PIK3CG: variants seen among roughly 807,000 people sequenced by gnomAD.
PIK3CG encodes phosphatidylinositol 4,5-bisphosphate 3-kinase catalytic subunit gamma isoform.
A neutral mutation model predicts 102.3 loss-of-function variants in PIK3CG; 55 were observed. That is an observed-to-expected ratio of 0.54 (90% CI 0.43 to 0.67). PIK3CG has a LOEUF of 0.67. PIK3CG is among the 30% of genes least tolerant of loss of function. The pLI, the probability that PIK3CG is intolerant of heterozygous loss-of-function variation, is 0.00. For missense variants in PIK3CG, 1,258 were observed against 1,391.8 expected, an observed-to-expected ratio of 0.90 and a Z score of 1.53; for synonymous variants, 552 against 540.0, an observed-to-expected ratio of 1.02 and a Z score of -0.31.
intron 10 of PIK3CG, among the ~76,000 whole-genome samples, chr7:106,888,216 G>A (rs1791162696): frequency 1.3e-5 from 2 of 152,098 alleles, no homozygotes; most frequent in East Asian, 3.9e-4. Flanking sequence ...TAGGATTACA[G>A]GCGTGAGCCA....
rs1326426981 is a variant in PIK3CG at position 106,908,586 on chromosome 7, T to C, written c.*3199T>C. Reference sequence around the variant, plus strand: ...AAAGTATGGAGAAGTGGAGACATTATAGATAAAATATATCAATTCCCAGAG... The same window carrying C: ...AAAGTATGGAGAAGTGGAGACATTACAGATAAAATATATCAATTCCCAGAG... On this transcript the variant is annotated 3_prime_UTR_variant, in exon 11 of 11. Transcript: ENST00000496166. This position sits in a 1 kb window ranked among gnomAD's most constrained non-coding sequence, Gnocchi z 4.1. Among the ~76,000 whole-genome samples, 1 of 152,186 alleles carries C rather than the reference T, an allele frequency of 6.6e-6. No homozygotes were observed. The highest frequency in any genetic ancestry group is 1.5e-5 in the Non-Finnish European group (1 of 68,032).
chr7:106,900,871 G>A (rs1280691735), intron 10 of PIK3CG, among the ~76,000 whole-genome samples: 1 of 152,208 alleles, frequency 6.6e-6, no homozygotes, highest in Non-Finnish European at 1.5e-5. Flanking sequence ...CTTTAAGAAT[G>A]TTGAATATAG....
Position 106,874,911 on chromosome 7 carries a change from G to A in PIK3CG, c.2391+108G>A. ...CTAATGTTTATGCAGAGACAGGGAA[G>A]CTGGAGAGTCTCTGGATGGGTTTCT... is the stretch of plus-strand genomic sequence containing the variant. On this transcript the variant is annotated intron_variant, in intron 5 of 10. Transcript: ENST00000496166. The surrounding 1 kb of genome is among the most constrained non-coding windows in gnomAD (Gnocchi z 4.3). The A allele has an allele frequency of 1.5e-6, 1 of 669,810 alleles. No individual in the cohort carries two copies. Among genetic ancestry groups the A allele is most frequent in the South Asian group, 1.9e-5 (1 of 52,872 alleles). 41.5% of individuals were successfully genotyped at this position (669,810 alleles called of 1,614,324 possible).
Position 106,874,082 on chromosome 7 carries a change from T to C in PIK3CG, c.2288-618T>C, listed in dbSNP as rs1211321221. On this transcript the variant is annotated intron_variant, in intron 4 of 10. Coordinates refer to ENST00000496166, the MANE Select transcript of PIK3CG (RefSeq NM_001282426.2). This position sits in a 1 kb window ranked among gnomAD's most constrained non-coding sequence, Gnocchi z 4.3. ...TTCTCCCTTTGATTCTTACAATGCT[T>C]CCTCCTAAAAATGATGATGGTAATA... Among the ~76,000 whole-genome samples the C allele has an allele frequency of 6.6e-6, 1 of 152,176 alleles. No homozygotes were observed. Among genetic ancestry groups the C allele is most frequent in the African/African-American group, 2.4e-5 (1 of 41,442 alleles).
At chr7:106,889,336 G>C (rs1021655180) in intron 10 of PIK3CG, among the ~76,000 whole-genome samples, 48 of 149,916 alleles carry the variant, frequency 3.2e-4, no homozygotes, top group African/African-American at 1.1e-3. Flanking sequence ...ATTTGACTAT[G>C]ACCTTGTGGT....
chr7:106,885,996 GA>G, intron 9 of PIK3CG, 138 bp from the exon 10 acceptor site: 2 of 753,646 alleles, frequency 2.7e-6, no homozygotes, highest in Non-Finnish European at 2.1e-6. Context: ...CTGCTAAGAC[GA>G]AAAATATCAC....
rs1017480198 is a variant in PIK3CG, at chr7:106,867,560, G to A, written c.-2G>A. ...TCCCTCCGCTCCCAGGTCGCATAGG[G>A]CATGGAGCTGGAGAACTATAAACAG... On this transcript the variant is annotated 5_prime_UTR_variant, in exon 2 of 11. Coordinates refer to ENST00000496166, the MANE Select transcript of PIK3CG (RefSeq NM_001282426.2). This position sits in a 1 kb window ranked among gnomAD's most constrained non-coding sequence, Gnocchi z 5.1. 6.4e-7 allele frequency: 1 copy of A among 1,554,178 alleles called. No individual in the cohort carries two copies. The highest frequency in any genetic ancestry group is 8.7e-7 in the Non-Finnish European group (1 of 1,151,410).
chr7:106,905,413 G>T lies in PIK3CG; in HGVS notation c.*26G>T, dbSNP rs758879455. On this transcript the variant is annotated 3_prime_UTR_variant, in exon 11 of 11. Coordinates refer to ENST00000496166, the MANE Select transcript of PIK3CG (RefSeq NM_001282426.2). The surrounding 1 kb of genome is among the most constrained non-coding windows in gnomAD (Gnocchi z 5.6). The stretch of plus-strand genomic sequence containing the variant: ...TACTTTAGGCTAGAATCAAAAACAA[G>T]TTAGTGTTCTATGGTTTAAATTAGC... 3.8e-6 allele frequency: 6 copies of T among 1,596,910 alleles called. No individual in the cohort carries two copies. The highest frequency in any genetic ancestry group is 3.4e-6 in the Non-Finnish European group (4 of 1,169,624).
chr7:106,879,334 C>G lies in PIK3CG; in HGVS notation c.2392-185C>G, dbSNP rs1461117132. Among the ~76,000 whole-genome samples, 6 of 152,166 alleles carry G rather than the reference C, an allele frequency of 3.9e-5. No individual in the cohort carries two copies. On this transcript the variant is annotated intron_variant, in intron 5 of 10. Transcript: ENST00000496166. The surrounding 1 kb of genome is among the most constrained non-coding windows in gnomAD (Gnocchi z 4.9). ...CTGGTTTAAGAGTTGTGAATTCGCT[C>G]TCACATGGCATTTCCAGATTTGCTC...
At chr7:106,881,417 TTGTAGTTACTGC>T (rs1215964499) in intron 6 of PIK3CG, among the ~76,000 whole-genome samples, 1 of 152,222 alleles carries the variant, frequency 6.6e-6, no homozygotes, top group African/African-American at 2.4e-5. Context: ...ATTATCATCA[TTGTAGTTACTGC>T]TGCTTTGGTT....
chr7:106,867,644 C>A lies in PIK3CG; in HGVS notation c.83C>A (p.Ala28Asp), dbSNP rs1341469233. 4 of 1,613,072 alleles carry A rather than the reference C, an allele frequency of 2.5e-6. No individual in the cohort carries two copies. The highest frequency in any genetic ancestry group is 3.4e-6 in the Non-Finnish European group (4 of 1,179,946). Residue 28 changes from alanine (A) to aspartate (D), a missense_variant, in exon 2 of 11, where the codon GCT becomes GAT. By Grantham distance (126) the Ala-to-Asp change is moderately radical. Coordinates refer to ENST00000496166, the MANE Select transcript of PIK3CG (RefSeq NM_001282426.2). The surrounding 1 kb of genome is among the most constrained non-coding windows in gnomAD (Gnocchi z 5.1). ...RRRRRMKPRS[A>D]AASLSSMELI... ...CGCCGGAGGATGAAGCCGCGCAGTG[C>A]TGCGGCCAGCCTGTCCTCCATGGAG...
chr7:106,867,580 A>C lies in PIK3CG; in HGVS notation c.19A>C (p.Lys7Gln). 6.3e-7 allele frequency: 1 copy of C among 1,585,720 alleles called. No individual in the cohort carries two copies. Among genetic ancestry groups the C allele is most frequent in the South Asian group, 1.1e-5 (1 of 88,290 alleles). ...ATAGGGCATGGAGCTGGAGAACTAT[A>C]AACAGCCCGTGGTGCTGAGAGAGGA... MELENY[K>Q]QPVVLREDNC... Residue 7 changes from lysine to glutamine, a missense_variant, in exon 2 of 11, where the codon AAA becomes CAA. Physicochemically the swap from Lys to Gln is moderately conservative, Grantham distance 53. This residue lies in a region of PIK3CG where 832 missense variants were observed against 787.5 expected (regional missense o/e 1.06). Coordinates refer to ENST00000496166, the MANE Select transcript of PIK3CG (RefSeq NM_001282426.2). The surrounding 1 kb of genome is among the most constrained non-coding windows in gnomAD (Gnocchi z 5.1).
At chr7:106,882,075 AAT>A (rs1554423082) in intron 6 of PIK3CG, 40 bp from the exon 7 acceptor site, 30 of 825,242 alleles carry the variant, frequency 3.6e-5, no homozygotes, top group South Asian at 3.5e-4. Context: ...ATATTAAGTT[AAT>A]ATATATATAA....
chr7:106,870,760 G>A (rs757053166), intron 2 of PIK3CG, among the ~76,000 whole-genome samples: 57 of 152,096 alleles, frequency 3.7e-4, no homozygotes, highest in Non-Finnish European at 6.8e-4. Flanking sequence ...AAGCATTTTG[G>A]ATAGCCTCAA....
rs746968794 is a variant in PIK3CG, at chr7:106,877,318, C to T, written c.2392-2201C>T. ...GTTGATGGTTATAACTGGGAGAATG[C>T]TATTGGCATCTAGTGGGTAGAGGCC... On this transcript the variant is annotated intron_variant, in intron 5 of 10. Coordinates refer to ENST00000496166, the MANE Select transcript of PIK3CG (RefSeq NM_001282426.2). This position sits in a 1 kb window ranked among gnomAD's most constrained non-coding sequence, Gnocchi z 4.5. 3.9e-5 allele frequency among the ~76,000 whole-genome samples: 6 copies of T among 152,320 alleles called. No homozygotes were observed. The highest frequency in any genetic ancestry group is 9.6e-5 in the African/African-American group (4 of 41,578).
rs191492017 is a variant in PIK3CG at position 106,883,845 on chromosome 7, T to G, written c.2761-310T>G. On this transcript the variant is annotated intron_variant, in intron 8 of 10. Transcript: ENST00000496166. This position sits in a 1 kb window ranked among gnomAD's most constrained non-coding sequence, Gnocchi z 5.8. ...ACATGTTCACAAATGAAGGAGAAAT[T>G]ACCATGGGTTCTATATAGTTGTTGG... 2.0e-5 allele frequency among the ~76,000 whole-genome samples: 3 copies of G among 152,328 alleles called. No individual in the cohort carries two copies. The highest frequency in any genetic ancestry group is 7.2e-5 in the African/African-American group (3 of 41,568).
Position 106,897,174 on chromosome 7 carries a change from C to T in PIK3CG, c.3031-7935C>T, listed in dbSNP as rs1292456575. 2.0e-5 allele frequency among the ~76,000 whole-genome samples: 3 copies of T among 151,862 alleles called. No homozygotes were observed. Among genetic ancestry groups the T allele is most frequent in the African/African-American group, 7.3e-5 (3 of 41,312 alleles). ...TTTTGTGAATCTTTTTTTATCAGTC[C>T]CCTATTGTAGGACATTATTAATAGA... On this transcript the variant is annotated intron_variant, in intron 10 of 10. Transcript: ENST00000496166. The surrounding 1 kb of genome is among the most constrained non-coding windows in gnomAD (Gnocchi z 4.6).
At chr7:106,900,668 T>C (rs571205148) in intron 10 of PIK3CG, among the ~76,000 whole-genome samples, 1 of 152,344 alleles carries the variant, frequency 6.6e-6, no homozygotes, top group South Asian at 2.1e-4. Flanking sequence ...TCTGTGTGTT[T>C]AAGTGTGGTT....
chr7:106,882,022 G>C (rs1460842254), intron 6 of PIK3CG, 95 bp from the exon 7 acceptor site: 1 of 417,236 alleles, frequency 2.4e-6, no homozygotes, highest in Non-Finnish European at 4.1e-6. Context: ...CTTATATTTT[G>C]TGTTACTAGA....
Sources: allele counts gnomAD v4.1 joint callset (sites outside exome capture counted in the v4.1 genomes callset), GRCh38; gene constraint gnomAD v4.1.1; regional missense constraint gnomAD v4.1.1; non-coding constraint Gnocchi (gnomAD v3.1); transcripts MANE v1.5; gene names NCBI Gene and HGNC (gene_info 2026-07-23, HGNC 2026-07-21).